ATXN1: variants seen among roughly 807,000 people sequenced by gnomAD.
ATXN1 encodes ataxin-1.
A neutral mutation model predicts 56.4 loss-of-function variants in ATXN1; 8 were observed. The ratio of observed to expected loss-of-function variants is 0.14; its 90% CI spans 0.08 to 0.26. ATXN1 has a LOEUF of 0.26. Among genes scored for constraint, ATXN1 ranks in the 10% least tolerant of loss-of-function variants. The pLI, the probability that ATXN1 is intolerant of heterozygous loss-of-function variation, is 1.00. For synonymous variants in ATXN1, 514 were observed against 494.6 expected (o/e 1.04, Z -0.52); for missense variants, 987 against 1,106.5 (o/e 0.89, Z 1.53).
intron 6 of ATXN1, among the ~76,000 whole-genome samples, chr6:16,341,235 C>G (rs573160236): frequency 2.0e-5 from 3 of 152,326 alleles, no homozygotes; most frequent in East Asian, 3.9e-4. Flanking sequence ...TGTTTGTGGT[C>G]ATGCTGAATA....
chr6:16,343,738 G>A (rs532397888), intron 6 of ATXN1, among the ~76,000 whole-genome samples: 54 of 152,240 alleles, frequency 3.5e-4, no homozygotes, highest in Admixed American at 9.2e-4. Context: ...GACGATGCGC[G>A]GCCACCTAGT....
At chr6:16,470,981 A>G (rs1561908757) in intron 6 of ATXN1, among the ~76,000 whole-genome samples, 1 of 152,140 alleles carries the variant, frequency 6.6e-6, no homozygotes, top group Non-Finnish European at 1.5e-5. Flanking sequence ...GACTGATGTG[A>G]GGCATTTGGA....
intron 6 of ATXN1, among the ~76,000 whole-genome samples, chr6:16,373,703 C>G (rs1028004762): frequency 2.6e-5 from 4 of 152,298 alleles, no homozygotes; most frequent in African/African-American, 9.6e-5. Flanking sequence ...CTTTTGATTG[C>G]CTCTCATTTT....
At chr6:16,718,750 T>G (rs1034695893) in intron 2 of ATXN1, among the ~76,000 whole-genome samples, 2 of 152,244 alleles carry the variant, frequency 1.3e-5, no homozygotes, top group African/African-American at 4.8e-5. Context: ...AGTTTTCAGC[T>G]AAGTTCAGCC....
At chr6:16,397,402 T>C (rs887058201) in intron 6 of ATXN1, among the ~76,000 whole-genome samples, 1 of 152,158 alleles carries the variant, frequency 6.6e-6, no homozygotes, top group Non-Finnish European at 1.5e-5. Context: ...TAGCTGGAAT[T>C]ACAGGTGCCC....
intron 5 of ATXN1, among the ~76,000 whole-genome samples, chr6:16,515,398 G>A (rs952278791): frequency 6.6e-5 from 10 of 151,962 alleles, no homozygotes; most frequent in Admixed American, 5.2e-4. Flanking sequence ...TTTACACAGT[G>A]ACCACTCCTC....
At chr6:16,434,798 C>A (rs1029696949) in intron 6 of ATXN1, among the ~76,000 whole-genome samples, 6 of 152,152 alleles carry the variant, frequency 3.9e-5, no homozygotes, top group African/African-American at 1.4e-4. Context: ...CATAGTGCTT[C>A]TTAGTTGGGG....
intron 2 of ATXN1, among the ~76,000 whole-genome samples, chr6:16,713,884 G>A (rs1003654223): frequency 2.0e-5 from 3 of 152,166 alleles, no homozygotes; most frequent in Non-Finnish European, 2.9e-5. Flanking sequence ...CTGGCCGCGC[G>A]TAGTAACTCA....
chr6:16,444,265 A>C (rs1759589427), intron 6 of ATXN1, among the ~76,000 whole-genome samples: 1 of 152,226 alleles, frequency 6.6e-6, no homozygotes. Context: ...TTGGTCTCCA[A>C]ATATCATTTC....
chr6:16,700,755 G>T (rs1006414715), intron 2 of ATXN1, among the ~76,000 whole-genome samples: 1 of 152,106 alleles, frequency 6.6e-6, no homozygotes, highest in East Asian at 1.9e-4. Flanking sequence ...AAGGGGATCT[G>T]GGCTGCAGAT....
chr6:16,680,669 A>G (rs1393341853), intron 2 of ATXN1, among the ~76,000 whole-genome samples: 2 of 151,984 alleles, frequency 1.3e-5, no homozygotes, highest in East Asian at 3.9e-4. Context: ...AACAAATACA[A>G]GTAATGGGTG....
chr6:16,555,133 C>T (rs1176342755), intron 4 of ATXN1, among the ~76,000 whole-genome samples: 1 of 152,080 alleles, frequency 6.6e-6, no homozygotes, highest in African/African-American at 2.4e-5. Flanking sequence ...AACATGCTTC[C>T]TGTTTATTGT....
intron 6 of ATXN1, among the ~76,000 whole-genome samples, chr6:16,411,014 A>G (rs139671758): frequency 6.6e-6 from 1 of 151,734 alleles, no homozygotes; most frequent in Non-Finnish European, 1.5e-5. Flanking sequence ...AGTTTCAGCT[A>G]CTTGGGAGGC....
chr6:16,493,423 T>G (rs1373443729), intron 5 of ATXN1, among the ~76,000 whole-genome samples: 3 of 151,882 alleles, frequency 2.0e-5, no homozygotes, highest in Non-Finnish European at 2.9e-5. Flanking sequence ...TATCCTCTTA[T>G]TCTACAACTT....
chr6:16,316,589 A>T (rs142609698), intron 7 of ATXN1, among the ~76,000 whole-genome samples: 4,973 of 152,184 alleles, frequency 0.033, 154 homozygotes, highest in South Asian at 0.05. Flanking sequence ...TACTAAAAAT[A>T]CAAAAAAATT....
intron 7 of ATXN1, among the ~76,000 whole-genome samples, chr6:16,322,998 C>T (rs1185297490): frequency 1.3e-5 from 2 of 152,184 alleles, no homozygotes; most frequent in Non-Finnish European, 2.9e-5. Flanking sequence ...AGCATAGCCA[C>T]GCGGGGGCCA....
At chr6:16,584,853 C>CCAGT (rs1184906268) in intron 4 of ATXN1, among the ~76,000 whole-genome samples, 1 of 152,100 alleles carries the variant, frequency 6.6e-6, no homozygotes, top group Admixed American at 6.6e-5. Flanking sequence ...CTTACATTTA[C>CCAGT]CAGTATGCTG....
chr6:16,499,687 C>G (rs768540216), intron 5 of ATXN1, among the ~76,000 whole-genome samples: 36 of 152,134 alleles, frequency 2.4e-4, no homozygotes, highest in Non-Finnish European at 4.4e-4. Flanking sequence ...TTGGAGAAAA[C>G]TTAATAAACT....
chr6:16,520,325 T>C (rs751035990), intron 5 of ATXN1, among the ~76,000 whole-genome samples: 3 of 152,216 alleles, frequency 2.0e-5, no homozygotes, highest in Non-Finnish European at 4.4e-5. Context: ...TATCTGTGTT[T>C]AGTTTTTTCT....
Sources: allele counts gnomAD v4.1 joint callset (sites outside exome capture counted in the v4.1 genomes callset), GRCh38; gene constraint gnomAD v4.1.1; transcripts MANE v1.5; gene names NCBI Gene and HGNC (gene_info 2026-07-23, HGNC 2026-07-21).